Variants in CETP observed in about 807,000 individuals in gnomAD.
The protein encoded by CETP is cholesteryl ester transfer protein.
CETP carries 56 observed loss-of-function variants against 66.5 expected under a neutral mutation model. The observed-to-expected ratio is 0.84, with a 90% CI of 0.68 to 1.05. CETP has a LOEUF of 1.05. Among genes scored for constraint, CETP ranks in the 50% least tolerant of loss-of-function variants. The pLI is 0.00. For synonymous variants in CETP, 251 were observed against 245.7 expected, an observed-to-expected ratio of 1.02 and a Z score of -0.20; for missense variants, 612 against 609.6, an observed-to-expected ratio of 1.00 and a Z score of -0.04.
intron 11 of CETP, 125 bp from the exon 12 acceptor site, chr16:56,981,033 G>T (rs2056183231): frequency 1.3e-6 from 1 of 788,826 alleles, no homozygotes. Context: ...AGCTAAGCCT[G>T]GTTCCCGTGT....
rs766478904 is a variant in CETP at position 56,975,067 on chromosome 16, C to T, written c.931-34C>T. 9 of 1,609,590 alleles carry T rather than the reference C, an allele frequency of 5.6e-6. No homozygotes were observed. In the African/African-American group the frequency reaches 1.2e-4, roughly 22 times the overall value. On this transcript the variant is annotated intron_variant, in intron 9 of 15. Coordinates refer to ENST00000200676, the MANE Select transcript of CETP (RefSeq NM_000078.3). ...TTTCTTCTGAGGAGTGGACTTTACT[C>T]CACCCACCCTCCAACTTCCTCATTT...
At position 56,970,956 on chromosome 16, in the gene CETP, G is replaced by C. The variant is rs548432913; in HGVS notation, c.528-77G>C. On this transcript the variant is annotated intron_variant, in intron 5 of 15. Transcript: ENST00000200676. Reference sequence around the variant, plus strand: ...AGTCAGGGCCAACAGAGCCATGAACGGTGCCTGGTACACACTAGGCGCTCC... The same window carrying C: ...AGTCAGGGCCAACAGAGCCATGAACCGTGCCTGGTACACACTAGGCGCTCC... The C allele has an allele frequency of 1.1e-5, 15 of 1,333,382 alleles. No homozygotes were observed. The East Asian group carries it at 3.0e-4, about 27-fold the overall frequency. The allele number at this position is 1,333,382 out of a possible 1,614,324, so 82.6% of individuals were successfully genotyped here.
intron 8 of CETP, among the ~76,000 whole-genome samples, chr16:56,972,958 G>A (rs1286410161): frequency 1.3e-5 from 2 of 152,118 alleles, no homozygotes; most frequent in Non-Finnish European, 2.9e-5. Flanking sequence ...CCTGATTTTG[G>A]CCTCCAGGAG....
intron 7 of CETP, among the ~76,000 whole-genome samples, 198 bp from the exon 8 acceptor site, chr16:56,971,794 G>A (rs1490615777): frequency 6.6e-6 from 1 of 152,138 alleles, no homozygotes; most frequent in Non-Finnish European, 1.5e-5. Flanking sequence ...TTCTAGAAGG[G>A]CTCTACCTAC....
chr16:56,970,093 A>G (rs1164519027), intron 5 of CETP, 92 bp downstream of exon 5: 2 of 1,279,974 alleles, frequency 1.6e-6, no homozygotes, highest in African/African-American at 2.9e-5. Flanking sequence ...CACACAGGGC[A>G]TGCTTGTGGG....
chr16:56,971,472 T>G, intron 7 of CETP, 91 bp downstream of exon 7: 9 of 1,133,208 alleles, frequency 7.9e-6, no homozygotes, highest in Middle Eastern at 2.0e-4. Flanking sequence ...ACTGTCACTC[T>G]TCCTGTCTAG....
Position 56,961,973 on chromosome 16 carries a change from G to A in CETP, c.-7G>A. On this transcript the variant is annotated 5_prime_UTR_variant, in exon 1 of 16. Coordinates refer to ENST00000200676, the MANE Select transcript of CETP (RefSeq NM_000078.3). ...TCGGGCCACTTACACACCACTGCCT[G>A]ATAACCATGCTGGCTGCCACAGTCC... The A allele has an allele frequency of 6.2e-7, 1 of 1,612,914 alleles. No individual in the cohort carries two copies. The highest frequency in any genetic ancestry group is 8.5e-7 in the Non-Finnish European group (1 of 1,179,032).
chr16:56,977,966 G>C, intron 10 of CETP, 125 bp from the exon 11 acceptor site: 1 of 1,129,938 alleles, frequency 8.9e-7, no homozygotes, highest in Non-Finnish European at 1.3e-6. Context: ...GCACTACCCC[G>C]AGCTACTTCC....
In CETP at chr16:56,981,625, TATC is replaced by T; in HGVS notation, c.1215-18_1215-16del. 6.2e-7 allele frequency: 1 copy of T among 1,613,810 alleles called. No homozygotes were observed. Among genetic ancestry groups the T allele is most frequent in the South Asian group, 1.1e-5 (1 of 91,060 alleles). ...GAGGGGGCCCAATGGAGGGTCAAAT[TATC>T]ATCGCTTTTTTATTTCAGGATTACA... On this transcript the variant is annotated intron_variant, in intron 12 of 15. Transcript: ENST00000200676.
chr16:56,983,604 C>T lies in CETP; in HGVS notation c.1420C>T (p.Leu474=). The part of the protein sequence containing the change: ...EIITRDGFLL[L]QMDFGFPEHL... ...CCCCTCCCTTCAGGGCTTCCTGCTGCTGCAGATGGACTTTGGCTTCCCTGA... is the reference window on the plus strand; with the variant it reads ...CCCCTCCCTTCAGGGCTTCCTGCTGTTGCAGATGGACTTTGGCTTCCCTGA... Residue 474 remains leucine (L), a synonymous_variant, in exon 16 of 16, where the codon CTG becomes TTG. Transcript: ENST00000200676. 1 of 1,614,192 alleles carries T rather than the reference C, an allele frequency of 6.2e-7. No homozygotes were observed. The highest frequency in any genetic ancestry group is 8.5e-7 in the Non-Finnish European group (1 of 1,180,022).
intron 2 of CETP, among the ~76,000 whole-genome samples, chr16:56,967,747 A>G (rs2056078357): frequency 6.6e-6 from 1 of 152,108 alleles, no homozygotes; most frequent in Admixed American, 6.6e-5. Context: ...TCTAAATTAG[A>G]GCATTTAGAA....
chr16:56,967,580 A>G (rs1276175808), intron 2 of CETP, among the ~76,000 whole-genome samples: 1 of 150,596 alleles, frequency 6.6e-6, no homozygotes, highest in Non-Finnish European at 1.5e-5. Flanking sequence ...ACTTGAACCC[A>G]GGAGGCAGAG....
intron 15 of CETP, 87 bp from the exon 16 acceptor site, chr16:56,983,505 C>T (rs1291271664): frequency 2.5e-6 from 4 of 1,591,588 alleles, no homozygotes; most frequent in Non-Finnish European, 3.4e-6. Flanking sequence ...GGGAGACAGA[C>T]AGAGGGGCCT....
At chr16:56,981,605 G>A (rs760423656) in intron 12 of CETP, 42 bp from the exon 13 acceptor site, 2 of 1,609,282 alleles carry the variant, frequency 1.2e-6, no homozygotes, top group Middle Eastern at 1.7e-4. Flanking sequence ...TACAGGAGGG[G>A]GCCCAATGGA....
In CETP at chr16:56,973,456, G is replaced by C; in HGVS notation, c.876G>C (p.Lys292Asn). The C allele has an allele frequency of 6.2e-7, 1 of 1,614,232 alleles. No individual in the cohort carries two copies. Residue 292 changes from lysine (K) to asparagine (N), a missense_variant, in exon 9 of 16, where the codon AAG becomes AAC. Physicochemically the swap from Lys to Asn is moderately conservative, Grantham distance 94. Coordinates refer to ENST00000200676, the MANE Select transcript of CETP (RefSeq NM_000078.3). ...AGCGAGTCTTCCACTCGCTGGCCAA[G>C]GTAGCTTTCCAGGATGGCCGCCTCA... ...FSERVFHSLAKVAFQDGRLML... is the reference protein window; with the variant it reads ...FSERVFHSLANVAFQDGRLML...
intron 10 of CETP, among the ~76,000 whole-genome samples, chr16:56,976,475 CTT>C (rs566143469): frequency 1.7e-4 from 25 of 143,592 alleles, no homozygotes; most frequent in Non-Finnish European, 1.7e-4. Flanking sequence ...TCTTTTCTTT[CTT>C]TTTTTTTTTT....
At chr16:56,979,002 T>C (rs2056169724) in intron 11 of CETP, among the ~76,000 whole-genome samples, 1 of 152,004 alleles carries the variant, frequency 6.6e-6, no homozygotes, top group Non-Finnish European at 1.5e-5. Flanking sequence ...ATTTTTTGTA[T>C]TTTTAGTAGA....
chr16:56,975,138 A>G lies in CETP; in HGVS notation c.968A>G (p.Glu323Gly), dbSNP rs1194418185. Residue 323 changes from glutamate (E) to glycine (G), a missense_variant, in exon 10 of 16, where the codon GAA becomes GGA. Glu to Gly is a moderately conservative substitution (Grantham distance 98, BLOSUM62 -2). Coordinates refer to ENST00000200676, the MANE Select transcript of CETP (RefSeq NM_000078.3). ...ACCTGGGGCTTCAACACCAACCAGG[A>G]AATCTTCCAAGAGGTAACTGCCCCC... is the stretch of plus-strand genomic sequence containing the variant. ...LETWGFNTNQ[E>G]IFQEVVGGFP... The G allele has an allele frequency of 6.2e-7, 1 of 1,614,126 alleles. No homozygotes were observed. Among genetic ancestry groups the G allele is most frequent in the Non-Finnish European group, 8.5e-7 (1 of 1,179,990 alleles).
At chr16:56,978,651 A>T (rs12720889) in intron 11 of CETP, among the ~76,000 whole-genome samples, 39,804 of 146,014 alleles carry the variant, frequency 0.27, 5,675 homozygotes, top group Middle Eastern at 0.39. Context: ...TGGCTAATTT[A>T]AAAAAAAAAA....
Sources: allele counts gnomAD v4.1 joint callset (sites outside exome capture counted in the v4.1 genomes callset), GRCh38; gene constraint gnomAD v4.1.1; transcripts MANE v1.5; gene names NCBI Gene and HGNC (gene_info 2026-07-23, HGNC 2026-07-21).